The following TYW3 variants were observed in gnomAD, a reference collection of about 807,000 sequenced individuals.
TYW3 encodes the protein tRNA wybutosine-synthesizing protein 3 homolog.
In TYW3, 26 loss-of-function variants were observed where a neutral mutation model predicts 23.1. The observed-to-expected ratio is 1.13, with a 90% confidence interval of 0.83 to 1.56. The LOEUF is 1.56. Ranked by LOEUF, TYW3 falls within the 40% of genes most tolerant of loss-of-function variation. The probability of loss-of-function intolerance (pLI) is 0.00; values close to 1 mark genes in which losing one functional copy is unlikely to be tolerated. For missense variants in TYW3, 316 were observed against 311.9 expected (o/e 1.01, Z -0.10); for synonymous variants, 102 against 105.7 (o/e 0.97, Z 0.21).
chr1:74,760,526 G>A (rs1193055496), intron 5 of TYW3, among the ~76,000 whole-genome samples: 3 of 152,140 alleles, frequency 2.0e-5, no homozygotes, highest in Non-Finnish European at 2.9e-5. Flanking sequence ...GTTCAGCCCA[G>A]GCATTGGATC....
At chr1:74,739,819 G>A (rs989987905) in intron 3 of TYW3, among the ~76,000 whole-genome samples, 15 of 152,194 alleles carry the variant, frequency 9.9e-5, no homozygotes, top group Admixed American at 9.8e-4. Flanking sequence ...GTGGTGATAG[G>A]TTGGTGTAAG....
intron 4 of TYW3, among the ~76,000 whole-genome samples, chr1:74,749,397 C>A (rs968682148): frequency 1.2e-4 from 19 of 152,120 alleles, no homozygotes; most frequent in African/African-American, 4.6e-4. Flanking sequence ...TACTATCTAT[C>A]CTTTTAGAGA....
intron 5 of TYW3, among the ~76,000 whole-genome samples, chr1:74,763,329 T>C (rs1284297198): frequency 1.3e-5 from 2 of 152,088 alleles, no homozygotes; most frequent in Non-Finnish European, 1.5e-5. Flanking sequence ...TCAGGGAAAA[T>C]TTGAATGTAA....
At chr1:74,752,541 TAA>T in intron 5 of TYW3, 116 bp downstream of exon 5, 1 of 891,468 alleles carries the variant, frequency 1.1e-6, no homozygotes, top group African/African-American at 1.7e-5. Flanking sequence ...GTAGATAATT[TAA>T]AAATACTTTT....
At position 74,740,462 on chromosome 1, in the gene TYW3, T is replaced by C. The variant is rs1570053914; in HGVS notation, c.354+1674T>C. ...GAAGGGGACTCAAGTGGGTTGCTGC[T>C]GCTGGCTCGGGTGGACAGTTTTTAT... is the stretch of plus-strand genomic sequence containing the variant. On this transcript the variant is annotated intron_variant, in intron 3 of 5. Transcript: ENST00000370867. 2.6e-5 allele frequency among the ~76,000 whole-genome samples: 4 copies of C among 152,358 alleles called. No individual in the cohort carries two copies. In the Middle Eastern group the frequency reaches 0.014, roughly 518 times the overall value.
chr1:74,741,500 G>A (rs925827226), intron 3 of TYW3, among the ~76,000 whole-genome samples: 1 of 152,266 alleles, frequency 6.6e-6, no homozygotes, highest in Non-Finnish European at 1.5e-5. Context: ...GAGGATTACC[G>A]AGTATGGTCC....
At chr1:74,757,246 G>A (rs1648985657) in intron 5 of TYW3, among the ~76,000 whole-genome samples, 2 of 152,094 alleles carry the variant, frequency 1.3e-5, no homozygotes, top group South Asian at 4.2e-4. Flanking sequence ...CCAGACCCCA[G>A]AATGATAGAT....
At chr1:74,748,092 C>T (rs1403749805) in intron 3 of TYW3, among the ~76,000 whole-genome samples, 1 of 152,066 alleles carries the variant, frequency 6.6e-6, no homozygotes, top group Non-Finnish European at 1.5e-5. Context: ...GCATCCCTGG[C>T]CTCTACCCAC....
chr1:74,738,107 G>GAA (rs113965848), intron 2 of TYW3, among the ~76,000 whole-genome samples: 58 of 145,000 alleles, frequency 4.0e-4, no homozygotes, highest in East Asian at 1.4e-3. Context: ...AGTGAACAGG[G>GAA]AAAAAAAAAC....
At chr1:74,745,000 C>T (rs373564334) in intron 3 of TYW3, among the ~76,000 whole-genome samples, 31 of 151,680 alleles carry the variant, frequency 2.0e-4, no homozygotes, top group African/African-American at 6.3e-4. Flanking sequence ...AAAGGTGGCG[C>T]GTCCAGAGTT....
Position 74,738,676 on chromosome 1 carries a change from G to A in TYW3, c.256-14G>A, listed in dbSNP as rs762290911. 1 of 1,587,518 alleles carries A rather than the reference G, an allele frequency of 6.3e-7. No homozygotes were observed. Among genetic ancestry groups the A allele is most frequent in the Non-Finnish European group, 8.6e-7 (1 of 1,160,642 alleles). ...CCATATACTTGCATCTGATACCACT[G>A]TTCATTTATTTAGATTGTAGCTCTG... On this transcript the variant is annotated splice_polypyrimidine_tract_variant and intron_variant, in intron 2 of 5. Transcript: ENST00000370867.
At chr1:74,748,050 G>C (rs1648649106) in intron 3 of TYW3, among the ~76,000 whole-genome samples, 1 of 152,060 alleles carries the variant, frequency 6.6e-6, no homozygotes, top group Admixed American at 6.6e-5. Context: ...TTTGTGTGGG[G>C]GCTGTCCTGT....
At chr1:74,754,462 C>T (rs1570074797) in intron 5 of TYW3, among the ~76,000 whole-genome samples, 1 of 152,160 alleles carries the variant, frequency 6.6e-6, no homozygotes, top group East Asian at 1.9e-4. Flanking sequence ...TTAAGGAGCT[C>T]CTTTGGGAAC....
At chr1:74,733,497 C>T (rs934028802) in intron 1 of TYW3, 79 bp downstream of exon 1, 233 of 1,554,100 alleles carry the variant, frequency 1.5e-4, no homozygotes, top group Non-Finnish European at 1.9e-4. Context: ...CAGTGACGAC[C>T]GGATCCAGCA....
chr1:74,735,401 A>C (rs1315722930), intron 1 of TYW3, among the ~76,000 whole-genome samples: 2 of 151,844 alleles, frequency 1.3e-5, no homozygotes, highest in African/African-American at 4.8e-5. Context: ...CCCCTCTCCC[A>C]CCTGAACCCA....
Position 74,738,794 on chromosome 1 carries a change from AT to A in TYW3, c.354+10del. The A allele has an allele frequency of 6.2e-7, 1 of 1,604,260 alleles. No homozygotes were observed. The highest frequency in any genetic ancestry group is 8.5e-7 in the Non-Finnish European group (1 of 1,172,694). On this transcript the variant is annotated splice_region_variant and intron_variant, in intron 3 of 5. Transcript: ENST00000370867. ...TGCAGGATGCACAGATTCTGGTAAA[AT>A]TTTGTTGTAATTGTACTTGAATTTA...
chr1:74,752,512 G>A (rs929007402), intron 5 of TYW3, 87 bp downstream of exon 5: 6 of 1,132,760 alleles, frequency 5.3e-6, no homozygotes, highest in Non-Finnish European at 7.5e-6. Context: ...AGTTTATAAT[G>A]CCAACTGCTT....
At position 74,733,214 on chromosome 1, in the gene TYW3, G is replaced by T; in HGVS notation, c.-31G>T. 6.2e-7 allele frequency: 1 copy of T among 1,610,304 alleles called. No individual in the cohort carries two copies. The highest frequency in any genetic ancestry group is 8.5e-7 in the Non-Finnish European group (1 of 1,178,064). On this transcript the variant is annotated 5_prime_UTR_variant, in exon 1 of 6. It introduces an in-frame stop codon into an upstream open reading frame of the 5' UTR. Coordinates refer to ENST00000370867, the MANE Select transcript of TYW3 (RefSeq NM_138467.3). ...AGGGAGAGACGAGGCTACCATGAAG[G>T]AGCCGAGCGCAGACCCTGAGTCCGT... is the stretch of plus-strand genomic sequence containing the variant.
At chr1:74,763,827 CTT>C (rs1349329061) in intron 5 of TYW3, 65 bp from the exon 6 acceptor site, 1 of 1,239,534 alleles carries the variant, frequency 8.1e-7, no homozygotes, top group African/African-American at 1.5e-5. Flanking sequence ...CTTATAAGCT[CTT>C]GGTGTATTTC....
Sources: allele counts gnomAD v4.1 joint callset (sites outside exome capture counted in the v4.1 genomes callset), GRCh38; gene constraint gnomAD v4.1.1; transcripts MANE v1.5; gene names NCBI Gene and HGNC (gene_info 2026-07-23, HGNC 2026-07-21).